GPATCH2: variants seen among roughly 807,000 people sequenced by gnomAD.
GPATCH2 encodes the protein G-patch domain containing 2.
A neutral mutation model predicts 58.0 loss-of-function variants in GPATCH2; 51 were observed. That is an observed-to-expected ratio of 0.88 (90% CI 0.70 to 1.11). The LOEUF is 1.11. Ranked by LOEUF, GPATCH2 falls within the 50% of genes most tolerant of loss-of-function variation. The pLI is 0.00. For synonymous variants in GPATCH2, 222 were observed against 218.5 expected (o/e 1.02, Z -0.14); for missense variants, 625 against 652.2 (o/e 0.96, Z 0.45).
intron 5 of GPATCH2, among the ~76,000 whole-genome samples, chr1:217,538,589 A>G (rs1664586894): frequency 6.6e-6 from 1 of 152,176 alleles, no homozygotes; most frequent in Non-Finnish European, 1.5e-5. Flanking sequence ...GTCTACTGTA[A>G]TCGTTTCCAG....
chr1:217,546,519 C>T (rs1665060782), intron 5 of GPATCH2, among the ~76,000 whole-genome samples: 1 of 152,138 alleles, frequency 6.6e-6, no homozygotes, highest in African/African-American at 2.4e-5. Flanking sequence ...AAAAGGATTC[C>T]CTTCAATAAA....
chr1:217,435,742 G>T lies in GPATCH2; in HGVS notation c.1367-4377C>A, dbSNP rs144745002. Among the ~76,000 whole-genome samples, 9 of 152,252 alleles carry T rather than the reference G, an allele frequency of 5.9e-5. No individual in the cohort carries two copies. In the East Asian group the frequency reaches 1.7e-3, roughly 29 times the overall value. On this transcript the variant is annotated intron_variant, in intron 9 of 9. Transcript: ENST00000366935. ...TCCTCTGTTCTCAGCAACTAATTTA[G>T]GGACATGGATTTTTGATTATTATTA...
At chr1:217,528,295 G>A (rs947154553) in intron 5 of GPATCH2, among the ~76,000 whole-genome samples, 1 of 152,152 alleles carries the variant, frequency 6.6e-6, no homozygotes, top group Non-Finnish European at 1.5e-5. Context: ...GGGTAGCCAA[G>A]TAAAAATAAC....
intron 5 of GPATCH2, among the ~76,000 whole-genome samples, chr1:217,538,130 T>G (rs1271943653): frequency 6.6e-6 from 1 of 152,190 alleles, no homozygotes; most frequent in East Asian, 1.9e-4. Context: ...AAATAAAGTT[T>G]GAACCCAAGA....
At chr1:217,613,336 C>T (rs989425481) in intron 3 of GPATCH2, among the ~76,000 whole-genome samples, 1 of 152,026 alleles carries the variant, frequency 6.6e-6, no homozygotes, top group Admixed American at 6.6e-5. Flanking sequence ...CTACTTTGTC[C>T]TTTTCTTATA....
At chr1:217,456,669 G>A (rs773802557) in intron 8 of GPATCH2, among the ~76,000 whole-genome samples, 10 of 152,156 alleles carry the variant, frequency 6.6e-5, no homozygotes, top group African/African-American at 9.7e-5. Context: ...GAGGATGCAT[G>A]AATTTTATCT....
chr1:217,467,389 T>C (rs968805683), intron 8 of GPATCH2, among the ~76,000 whole-genome samples: 1 of 152,178 alleles, frequency 6.6e-6, no homozygotes, highest in Non-Finnish European at 1.5e-5. Flanking sequence ...TTAGAAACTA[T>C]TTCAAGTTAC....
chr1:217,531,947 G>C (rs1390399632), intron 5 of GPATCH2, among the ~76,000 whole-genome samples: 1 of 152,158 alleles, frequency 6.6e-6, no homozygotes, highest in Admixed American at 6.5e-5. Flanking sequence ...ATTATTTCTT[G>C]AATTGTTTCA....
intron 6 of GPATCH2, among the ~76,000 whole-genome samples, chr1:217,499,938 A>G (rs890163200): frequency 5.3e-5 from 8 of 152,222 alleles, no homozygotes; most frequent in Middle Eastern, 3.4e-3. Flanking sequence ...TGGTTATACC[A>G]ATAGCTTGTA....
chr1:217,559,868 C>CAGAGGG (rs992667203), intron 5 of GPATCH2, among the ~76,000 whole-genome samples: 2 of 149,592 alleles, frequency 1.3e-5, no homozygotes, highest in African/African-American at 5.0e-5. Context: ...CACAAAAATC[C>CAGAGGG]AGAGGGAGAG....
chr1:217,554,951 CAG>C (rs1224982127), intron 5 of GPATCH2, among the ~76,000 whole-genome samples: 1 of 152,194 alleles, frequency 6.6e-6, no homozygotes, highest in Admixed American at 6.5e-5. Context: ...CAAGCTTTTA[CAG>C]ACAGTGCTAC....
chr1:217,544,450 C>A (rs1664925192), intron 5 of GPATCH2, among the ~76,000 whole-genome samples: 1 of 152,282 alleles, frequency 6.6e-6, no homozygotes, highest in South Asian at 2.1e-4. Context: ...TCCTTTCCAA[C>A]CCAGAGGCCA....
At chr1:217,444,128 C>A (rs1314829003) in intron 9 of GPATCH2, among the ~76,000 whole-genome samples, 2 of 152,168 alleles carry the variant, frequency 1.3e-5, no homozygotes, top group Non-Finnish European at 2.9e-5. Context: ...GCCTCTTGGT[C>A]ACAAATCTTC....
At chr1:217,577,533 A>T (rs1666861549) in intron 5 of GPATCH2, among the ~76,000 whole-genome samples, 1 of 152,204 alleles carries the variant, frequency 6.6e-6, no homozygotes, top group South Asian at 2.1e-4. Context: ...CATAATATTT[A>T]ATTAGTATTA....
intron 5 of GPATCH2, among the ~76,000 whole-genome samples, chr1:217,564,823 C>G (rs192984837): frequency 6.6e-6 from 1 of 152,262 alleles, no homozygotes; most frequent in Non-Finnish European, 1.5e-5. Context: ...ATAATGCATA[C>G]TTTAGGAAAG....
chr1:217,485,657 A>G (rs1259298300), intron 8 of GPATCH2, among the ~76,000 whole-genome samples: 4 of 152,126 alleles, frequency 2.6e-5, no homozygotes, highest in Non-Finnish European at 2.9e-5. Context: ...TCAGGCATCA[A>G]TTAATGACAA....
chr1:217,595,562 C>T (rs1020439770), intron 5 of GPATCH2, among the ~76,000 whole-genome samples: 19 of 151,472 alleles, frequency 1.3e-4, no homozygotes, highest in African/African-American at 1.7e-4. Flanking sequence ...TGCAATGCTG[C>T]GATCTCAGCT....
chr1:217,486,223 T>C (rs1242047462), intron 8 of GPATCH2, among the ~76,000 whole-genome samples: 1 of 152,212 alleles, frequency 6.6e-6, no homozygotes, highest in Non-Finnish European at 1.5e-5. Flanking sequence ...CTTGATTATG[T>C]GTTCTTTTTC....
chr1:217,528,648 G>A (rs997785750), intron 5 of GPATCH2, among the ~76,000 whole-genome samples: 3 of 152,196 alleles, frequency 2.0e-5, no homozygotes, highest in Non-Finnish European at 4.4e-5. Context: ...GGTACAGTCA[G>A]GGAGGTAACA....
Sources: allele counts gnomAD v4.1 joint callset (sites outside exome capture counted in the v4.1 genomes callset), GRCh38; gene constraint gnomAD v4.1.1; transcripts MANE v1.5; gene names NCBI Gene and HGNC (gene_info 2026-07-23, HGNC 2026-07-21).